NUMB: variants seen among roughly 807,000 people sequenced by gnomAD.
The protein encoded by NUMB is protein numb homolog.
Under a neutral mutation model 59.7 loss-of-function variants are expected in NUMB, and 29 were observed. The observed-to-expected ratio is 0.49, with a 90% CI of 0.36 to 0.66. The LOEUF (loss-of-function observed/expected upper bound fraction) is 0.66, where lower values mean the gene tolerates loss of function less well. NUMB is among the 30% of genes least tolerant of loss of function. The pLI, the probability that NUMB is intolerant of heterozygous loss-of-function variation, is 0.00. For synonymous variants in NUMB, 288 were observed against 288.2 expected (o/e 1.00, Z 0.01); for missense variants, 723 against 822.0 (o/e 0.88, Z 1.47).
At chr14:73,402,849 G>A (rs1328606096) in intron 2 of NUMB, among the ~76,000 whole-genome samples, 1 of 152,098 alleles carries the variant, frequency 6.6e-6, no homozygotes, top group Non-Finnish European at 1.5e-5. Flanking sequence ...TTAGTCCTTT[G>A]GTTCTCCACA....
chr14:73,318,413 A>AT (rs1891199364), intron 5 of NUMB, among the ~76,000 whole-genome samples: 1 of 152,236 alleles, frequency 6.6e-6, no homozygotes, highest in Non-Finnish European at 1.5e-5. Context: ...ATTAAAACAA[A>AT]TATATCAAAT....
chr14:73,367,348 T>TATATAGAGAG lies in NUMB; in HGVS notation c.-100-368_-100-367insCTCTCTATAT, dbSNP rs1555375287. Among the ~76,000 whole-genome samples the TATATAGAGAG allele has an allele frequency of 8.9e-3, 932 of 105,264 alleles. 14 individuals are homozygous for TATATAGAGAG. The highest frequency in any genetic ancestry group is 0.033 in the African/African-American group (665 of 19,938). 69.1% of individuals were successfully genotyped at this position (105,264 alleles called of 152,430 possible). A position where few individuals can be genotyped will look rare whatever the true frequency, so the allele number is the denominator to read the frequency against. On this transcript the variant is annotated intron_variant, in intron 2 of 12. Coordinates refer to ENST00000555238, the MANE Select transcript of NUMB (RefSeq NM_001005743.2). ...ATATATACATATATATATATATATA[T>TATATAGAGAG]AGAGAGAGAGAGAGAGAGAGAGAGA...
rs1895336300 is a variant in NUMB, at chr14:73,383,228, T to G, written c.-100-16247A>C. On this transcript the variant is annotated intron_variant, in intron 2 of 12. Coordinates refer to ENST00000555238, the MANE Select transcript of NUMB (RefSeq NM_001005743.2). ...TTACCACACACAGACTTTAAATAATTGTGATTAATATGTTCAGGAAAATAG... is the reference window on the plus strand; with the variant it reads ...TTACCACACACAGACTTTAAATAATGGTGATTAATATGTTCAGGAAAATAG... 2.6e-5 allele frequency among the ~76,000 whole-genome samples: 4 copies of G among 152,106 alleles called. No homozygotes were observed. In the South Asian group the frequency reaches 6.2e-4, roughly 24 times the overall value.
Position 73,282,750 on chromosome 14 carries a change from CA to C in NUMB, c.950-246del, listed in dbSNP as rs368074530. The stretch of plus-strand genomic sequence containing the variant: ...TACTAAGGCACATCTTCCTCCCTTA[CA>C]AATCCCCAAATTTCTTCATTTCTTC... On this transcript the variant is annotated intron_variant, in intron 10 of 12. Transcript: ENST00000555238. Among the ~76,000 whole-genome samples, 371 of 152,304 alleles carry C rather than the reference CA, an allele frequency of 2.4e-3. 3 individuals carry two copies. The highest frequency in any genetic ancestry group is 8.4e-3 in the African/African-American group (351 of 41,554).
chr14:73,371,450 A>G (rs8022954), intron 2 of NUMB, among the ~76,000 whole-genome samples: 121,840 of 151,832 alleles, frequency 0.8, 49,465 homozygotes, highest in African/African-American at 0.93. Context: ...CAGAGGAATC[A>G]CTTAAACCCG....
At chr14:73,329,633 A>G (rs1334428563) in intron 4 of NUMB, among the ~76,000 whole-genome samples, 1 of 152,202 alleles carries the variant, frequency 6.6e-6, no homozygotes, top group Non-Finnish European at 1.5e-5. Context: ...ACTTTGAGCA[A>G]AAGTAGGATT....
chr14:73,401,550 T>C (rs1896414705), intron 2 of NUMB, among the ~76,000 whole-genome samples: 1 of 150,234 alleles, frequency 6.7e-6, no homozygotes, highest in Non-Finnish European at 1.5e-5. Flanking sequence ...ACTAACAAAA[T>C]ATGTAAGACT....
Position 73,296,893 on chromosome 14 carries a change from C to T in NUMB, c.309+318G>A, listed in dbSNP as rs377698034. On this transcript the variant is annotated intron_variant, in intron 7 of 12. Transcript: ENST00000555238. ...CAAAAATTAGCCAGGCGAGGCCGGG[C>T]GCAGTGGCTCACACCTGTAATCCCA... Among the ~76,000 whole-genome samples, 5 of 152,008 alleles carry T rather than the reference C, an allele frequency of 3.3e-5. No homozygotes were observed. In the East Asian group the frequency reaches 9.7e-4, roughly 29 times the overall value.
intron 1 of NUMB, among the ~76,000 whole-genome samples, chr14:73,446,141 C>T (rs867902457): frequency 5.1e-4 from 77 of 151,780 alleles, no homozygotes; most frequent in African/African-American, 1.8e-3. Flanking sequence ...GGACTATAAG[C>T]ACTCCCCACC....
At position 73,427,390 on chromosome 14, in the gene NUMB, C is replaced by T. The variant is rs189439797; in HGVS notation, c.-232-17322G>A. On this transcript the variant is annotated intron_variant, in intron 1 of 12. Coordinates refer to ENST00000555238, the MANE Select transcript of NUMB (RefSeq NM_001005743.2). ...TGAGGCAGAAGAATCGCTTGAACCT[C>T]GGAGGCAGAGGTTGCAGTGAGCCAA... 6.5e-3 allele frequency among the ~76,000 whole-genome samples: 990 copies of T among 151,804 alleles called. 11 individuals carry two copies. Among genetic ancestry groups the T allele is most frequent in the African/African-American group, 0.023 (945 of 41,414 alleles).
chr14:73,293,558 A>AT (rs1889552646), intron 7 of NUMB, among the ~76,000 whole-genome samples: 1 of 151,734 alleles, frequency 6.6e-6, no homozygotes, highest in Admixed American at 6.6e-5. Context: ...CGCCCGGCTA[A>AT]TTTTTTTGTA....
Position 73,379,526 on chromosome 14 carries a change from T to G in NUMB, c.-100-12545A>C, listed in dbSNP as rs1895128760. ...CATATAAAGAAAAATCAAGTAGGAT[T>G]GGAGAAAAGAAAGTGTTGGGATTGG... is the stretch of plus-strand genomic sequence containing the variant. On this transcript the variant is annotated intron_variant, in intron 2 of 12. Coordinates refer to ENST00000555238, the MANE Select transcript of NUMB (RefSeq NM_001005743.2). 2.0e-5 allele frequency among the ~76,000 whole-genome samples: 3 copies of G among 152,132 alleles called. No individual in the cohort carries two copies. In the South Asian group the frequency reaches 6.2e-4, roughly 31 times the overall value.
intron 1 of NUMB, among the ~76,000 whole-genome samples, chr14:73,416,639 T>C (rs1897138070): frequency 6.6e-6 from 1 of 152,076 alleles, no homozygotes. Context: ...CCAGGAGTAC[T>C]AGACCAGCTT....
At chr14:73,447,990 G>T (rs1883656926) in intron 1 of NUMB, among the ~76,000 whole-genome samples, 1 of 152,020 alleles carries the variant, frequency 6.6e-6, no homozygotes, top group South Asian at 2.1e-4. Context: ...TAAAGACTGG[G>T]TTTTACCACG....
intron 3 of NUMB, among the ~76,000 whole-genome samples, chr14:73,359,254 G>A (rs1004208272): frequency 2.0e-5 from 3 of 152,154 alleles, no homozygotes; most frequent in African/African-American, 7.2e-5. Flanking sequence ...GCTGAGGCAC[G>A]AGAATCACTT....
chr14:73,419,028 C>T (rs1033886579), intron 1 of NUMB, among the ~76,000 whole-genome samples: 2 of 152,088 alleles, frequency 1.3e-5, no homozygotes, highest in African/African-American at 4.8e-5. Flanking sequence ...AATAATTAAA[C>T]CCTGAATCAA....
Position 73,292,808 on chromosome 14 carries a change from C to G in NUMB, c.376G>C (p.Ala126Pro), listed in dbSNP as rs1361215110. ...FCAPDRNFDRAFSYICRDGTT... is the reference protein window; with the variant it reads ...FCAPDRNFDRPFSYICRDGTT... ...CCATCACGGCATATGTAAGAAAAGG[C>G]TCTATCAAAGTTCCTGTCTGGGGCA... The change falls in exon 8 of 13, where the codon GCC becomes CCC. Residue 126 changes from alanine (A) to proline (P), a missense_variant. By Grantham distance (27) the Ala-to-Pro change is conservative (BLOSUM62 -1). This residue lies in a region of NUMB where 317 missense variants were observed against 436.6 expected (regional missense o/e 0.73). Coordinates refer to ENST00000555238, the MANE Select transcript of NUMB (RefSeq NM_001005743.2). The G allele has an allele frequency of 6.2e-7, 1 of 1,614,076 alleles. No individual in the cohort carries two copies. The highest frequency in any genetic ancestry group is 1.3e-5 in the African/African-American group (1 of 74,928).
chr14:73,419,673 T>G (rs1381065820), intron 1 of NUMB, among the ~76,000 whole-genome samples: 1 of 152,118 alleles, frequency 6.6e-6, no homozygotes. Context: ...GAGCTAAGTC[T>G]GACATCAAAG....
chr14:73,382,773 A>G (rs1046713561), intron 2 of NUMB, among the ~76,000 whole-genome samples: 27 of 152,234 alleles, frequency 1.8e-4, no homozygotes, highest in African/African-American at 5.8e-4. Context: ...TTTGACATTC[A>G]TTTTTAAAAT....
Sources: gnomAD v4.1 joint callset for allele counts (sites outside exome capture counted in the v4.1 genomes callset) on GRCh38, gnomAD v4.1.1 for gene constraint, gnomAD v4.1.1 regional missense constraint, MANE v1.5 for transcripts, NCBI Gene and HGNC (gene_info 2026-07-23, HGNC 2026-07-21) for gene names.